EPHA3: variants seen among roughly 807,000 people sequenced by gnomAD.
EPHA3 encodes ephrin type-A receptor 3.
Under a neutral mutation model 107.1 loss-of-function variants are expected in EPHA3, and 42 were observed. The observed-to-expected ratio is 0.39, with a 90% confidence interval of 0.31 to 0.51. EPHA3 has a LOEUF of 0.51. Among genes scored for constraint, EPHA3 ranks in the 20% least tolerant of loss-of-function variants. EPHA3 has a pLI of 0.78. For synonymous variants in EPHA3, 461 were observed against 424.8 expected (o/e 1.09, Z -1.05); for missense variants, 1,183 against 1,211.2 (o/e 0.98, Z 0.35).
chr3:89,276,063 G>T (rs1705797976), intron 3 of EPHA3, among the ~76,000 whole-genome samples: 1 of 151,982 alleles, frequency 6.6e-6, no homozygotes, highest in African/African-American at 2.4e-5. Context: ...GAAACACTCA[G>T]GAAATAGAAA....
intron 2 of EPHA3, among the ~76,000 whole-genome samples, chr3:89,182,452 T>C (rs1340068580): frequency 1.3e-5 from 2 of 151,958 alleles, no homozygotes; most frequent in African/African-American, 4.8e-5. Context: ...GTGTAGGAAA[T>C]TTTATAGTCT....
chr3:89,351,313 C>T (rs1042358778), intron 5 of EPHA3, among the ~76,000 whole-genome samples: 3 of 151,396 alleles, frequency 2.0e-5, no homozygotes, highest in African/African-American at 7.3e-5. Context: ...GGGATATAGT[C>T]TCGTGGTGCG....
intron 2 of EPHA3, among the ~76,000 whole-genome samples, chr3:89,164,444 G>A (rs770788390): frequency 1.9e-4 from 29 of 152,126 alleles, no homozygotes; most frequent in Non-Finnish European, 3.5e-4. Context: ...TGCTATTGCT[G>A]GGATTAACTG....
chr3:89,134,775 C>G (rs944156693), intron 2 of EPHA3, among the ~76,000 whole-genome samples: 2 of 152,110 alleles, frequency 1.3e-5, no homozygotes, highest in African/African-American at 4.8e-5. Flanking sequence ...AGTTCCTGAG[C>G]CAAATGGGTT....
chr3:89,425,799 A>C (rs983701727), intron 11 of EPHA3, among the ~76,000 whole-genome samples: 1 of 151,708 alleles, frequency 6.6e-6, no homozygotes, highest in Non-Finnish European at 1.5e-5. Context: ...TTGTGTTAAA[A>C]TAGCTGGTGC....
At chr3:89,431,429 G>T in intron 13 of EPHA3, 70 bp downstream of exon 13, 1 of 1,368,434 alleles carries the variant, frequency 7.3e-7, no homozygotes, top group Non-Finnish European at 1.0e-6. Context: ...TTGTAAATAA[G>T]TAGAAATCAT....
At chr3:89,226,498 A>T (rs1020045485) in intron 3 of EPHA3, among the ~76,000 whole-genome samples, 6 of 152,140 alleles carry the variant, frequency 3.9e-5, no homozygotes, top group African/African-American at 1.4e-4. Context: ...TACCAAAATA[A>T]ACAAAATAAA....
At chr3:89,336,753 C>G (rs1707400894) in intron 3 of EPHA3, among the ~76,000 whole-genome samples, 1 of 152,054 alleles carries the variant, frequency 6.6e-6, no homozygotes, top group Non-Finnish European at 1.5e-5. Context: ...TGTTAGACAT[C>G]AAATAGATAG....
intron 3 of EPHA3, among the ~76,000 whole-genome samples, chr3:89,335,055 C>T (rs1190476856): frequency 6.6e-6 from 1 of 152,092 alleles, no homozygotes; most frequent in African/African-American, 2.4e-5. Context: ...AAACTGATCT[C>T]CTTTTTAAAA....
intron 5 of EPHA3, among the ~76,000 whole-genome samples, chr3:89,369,091 T>C (rs1708240886): frequency 1.3e-5 from 2 of 150,230 alleles, no homozygotes; most frequent in African/African-American, 2.4e-5. Context: ...GGAAGAAGAA[T>C]ATGAATTAGC....
At chr3:89,478,340 A>G (rs1364671411) in intron 16 of EPHA3, among the ~76,000 whole-genome samples, 1 of 152,218 alleles carries the variant, frequency 6.6e-6, no homozygotes, top group African/African-American at 2.4e-5. Flanking sequence ...CTTAAAGGCT[A>G]AAACAGCAAG....
At chr3:89,180,003 G>A (rs1257920999) in intron 2 of EPHA3, among the ~76,000 whole-genome samples, 1 of 151,736 alleles carries the variant, frequency 6.6e-6, no homozygotes, top group African/African-American at 2.4e-5. Context: ...CAACTCAAGT[G>A]CAGTTCGTAT....
chr3:89,111,509 C>G, intron 1 of EPHA3, among the ~76,000 whole-genome samples: 1 of 58,966 alleles, frequency 1.7e-5, no homozygotes, highest in Non-Finnish European at 5.0e-5. Flanking sequence ...ACCCCTACAT[C>G]CCCCCCCCAC....
chr3:89,250,309 T>C (rs1576264511), intron 3 of EPHA3, among the ~76,000 whole-genome samples: 1 of 152,346 alleles, frequency 6.6e-6, no homozygotes, highest in Non-Finnish European at 1.5e-5. Context: ...CCTATGCATT[T>C]ACTCAGTTGC....
intron 15 of EPHA3, among the ~76,000 whole-genome samples, chr3:89,450,631 G>A (rs1181095196): frequency 6.6e-6 from 1 of 152,072 alleles, no homozygotes; most frequent in Non-Finnish European, 1.5e-5. Flanking sequence ...TTGGGAAATA[G>A]GAATACTGGA....
At chr3:89,145,543 T>G (rs1407398851) in intron 2 of EPHA3, among the ~76,000 whole-genome samples, 1 of 151,774 alleles carries the variant, frequency 6.6e-6, no homozygotes, top group African/African-American at 2.4e-5. Flanking sequence ...TCTTTATAAA[T>G]TTGTCTGAAT....
rs1709560974 is a variant in EPHA3, at chr3:89,431,156, G to A, written c.2143G>A (p.Asp715Asn). The A allele has an allele frequency of 1.9e-6, 3 of 1,612,712 alleles. No homozygotes were observed. Among genetic ancestry groups the A allele is most frequent in the Non-Finnish European group, 2.5e-6 (3 of 1,179,546 alleles). ...CATTTGAAATGCTTCCCAGAAACAC[G>A]ATGCCCAGTTTACTGTCATTCAGCT... ...GSLDSFLRKH[D>N]AQFTVIQLVG... Residue 715 changes from aspartate to asparagine, a missense_variant, in exon 13 of 17, where the codon GAT (aspartate) becomes AAT (asparagine). Transcript: ENST00000336596.
At position 89,479,535 on chromosome 3, in the gene EPHA3, G is replaced by A. The variant is rs2107581812; in HGVS notation, c.*33G>A. 1 of 1,550,414 alleles carries A rather than the reference G, an allele frequency of 6.4e-7. No homozygotes were observed. The highest frequency in any genetic ancestry group is 8.9e-7 in the Non-Finnish European group (1 of 1,122,922). ...GACGGAAGTGCTTCTGGACGGAAGT[G>A]GTGGCTGTGGAAGGCGTAGCATCAT... On this transcript the variant is annotated 3_prime_UTR_variant, in exon 17 of 17. Transcript: ENST00000336596.
chr3:89,332,866 A>T (rs537942471), intron 3 of EPHA3, among the ~76,000 whole-genome samples: 1 of 152,236 alleles, frequency 6.6e-6, no homozygotes, highest in South Asian at 2.1e-4. Context: ...ATTTAAAGTC[A>T]ATTCAAATTG....
Sources: gnomAD v4.1 joint callset for allele counts (sites outside exome capture counted in the v4.1 genomes callset) on GRCh38, gnomAD v4.1.1 for gene constraint, MANE v1.5 for transcripts, NCBI Gene and HGNC (gene_info 2026-07-23, HGNC 2026-07-21) for gene names.